ACER3: variants seen among roughly 807,000 people sequenced by gnomAD.
ACER3 encodes the protein alkaline ceramidase 3, also known as alkCDase 3.
In ACER3, 16 loss-of-function variants were observed where a neutral mutation model predicts 48.9. The ratio of observed to expected loss-of-function variants is 0.33; its 90% confidence interval spans 0.22 to 0.50. The LOEUF is 0.50. Among genes scored for constraint, ACER3 ranks in the 20% least tolerant of loss-of-function variants. The pLI, the probability that ACER3 is intolerant of heterozygous loss-of-function variation, is 0.98. For synonymous variants in ACER3, 109 were observed against 107.8 expected (o/e 1.01, Z -0.07); for missense variants, 227 against 326.0 (o/e 0.70, Z 2.34).
chr11:77,005,801 A>G lies in ACER3; in HGVS notation c.497+6980A>G, dbSNP rs1949123130. Among the ~76,000 whole-genome samples the G allele has an allele frequency of 2.6e-5, 4 of 151,408 alleles. No individual in the cohort carries two copies. In the South Asian group the frequency reaches 8.3e-4, roughly 32 times the overall value. On this transcript the variant is annotated intron_variant, in intron 7 of 10. Transcript: ENST00000532485. ...ATATAAACCCATCTTAAATAATTAT[A>G]TCTGCAAGGACTTTATTTCCAAATT...
intron 6 of ACER3, among the ~76,000 whole-genome samples, chr11:76,993,744 G>A (rs963639267): frequency 7.2e-5 from 11 of 152,172 alleles, no homozygotes; most frequent in African/African-American, 2.4e-4. Flanking sequence ...CATATCATCA[G>A]GCATTAGATT....
chr11:77,019,651 TGG>T, intron 9 of ACER3, 78 bp from the exon 10 acceptor site: 1 of 1,361,198 alleles, frequency 7.3e-7, no homozygotes, highest in Non-Finnish European at 1.1e-6. Context: ...AGAAGCACTA[TGG>T]TTACGTTTGT....
intron 7 of ACER3, among the ~76,000 whole-genome samples, chr11:77,006,412 A>G (rs1382230615): frequency 6.6e-6 from 1 of 152,136 alleles, no homozygotes; most frequent in Non-Finnish European, 1.5e-5. Context: ...TCCCACATTT[A>G]TACTCATTTC....
chr11:77,009,104 C>T (rs1362267815), intron 7 of ACER3, among the ~76,000 whole-genome samples: 1 of 152,106 alleles, frequency 6.6e-6, no homozygotes, highest in South Asian at 2.1e-4. Flanking sequence ...CATCATTGCA[C>T]TGCTATAAAG....
chr11:76,900,409 T>C (rs944199294), intron 1 of ACER3, among the ~76,000 whole-genome samples: 5 of 152,216 alleles, frequency 3.3e-5, no homozygotes, highest in African/African-American at 1.2e-4. Flanking sequence ...TGCTTTTTCA[T>C]TTCTCTAAAA....
At chr11:76,957,348 A>G (rs1947866908) in intron 2 of ACER3, 1 of 295,210 alleles carries the variant, frequency 3.4e-6, no homozygotes, top group Admixed American at 4.3e-5. Context: ...TGAAGCATAG[A>G]ATTTTTTAAA....
At chr11:76,880,634 A>G (rs148137526) in intron 1 of ACER3, among the ~76,000 whole-genome samples, 3 of 152,330 alleles carry the variant, frequency 2.0e-5, no homozygotes, top group East Asian at 3.9e-4. Flanking sequence ...CCTCCAGGGC[A>G]TGGGATGGGG....
At chr11:76,922,504 G>T (rs1275946707) in intron 1 of ACER3, among the ~76,000 whole-genome samples, 1 of 151,926 alleles carries the variant, frequency 6.6e-6, no homozygotes, top group African/African-American at 2.4e-5. Context: ...AATCTGTCTG[G>T]CTCCCCACCT....
chr11:76,914,302 G>A (rs1946464872), intron 1 of ACER3, among the ~76,000 whole-genome samples: 1 of 152,086 alleles, frequency 6.6e-6, no homozygotes, highest in Non-Finnish European at 1.5e-5. Context: ...CTACTCATCT[G>A]ATAAAGGGCT....
rs148055722 is a variant in ACER3 at position 76,998,634 on chromosome 11, A to G, written c.439-129A>G. ...GATTTAACACATTTTTTAACATTCT[A>G]TTCTTTAAAATGTAGTGAAGGATAA... is the stretch of plus-strand genomic sequence containing the variant. On this transcript the variant is annotated intron_variant, in intron 6 of 10. Transcript: ENST00000532485. 1.7e-3 allele frequency: 1,090 copies of G among 629,286 alleles called. 17 individuals are homozygous for G. In the East Asian group the frequency reaches 0.036, roughly 21 times the overall value. The allele number at this position is 629,286 out of a possible 1,614,324, so 39.0% of individuals were successfully genotyped here.
chr11:76,888,529 C>G (rs1945729843), intron 1 of ACER3, among the ~76,000 whole-genome samples: 1 of 152,196 alleles, frequency 6.6e-6, no homozygotes, highest in Admixed American at 6.5e-5. Flanking sequence ...TGGGTCTCAT[C>G]TGAAGCTGAA....
chr11:76,971,284 G>A (rs1948292529), intron 3 of ACER3, among the ~76,000 whole-genome samples: 1 of 152,200 alleles, frequency 6.6e-6, no homozygotes, highest in South Asian at 2.1e-4. Context: ...GTTCACGCCT[G>A]TAATCGCAGC....
intron 3 of ACER3, among the ~76,000 whole-genome samples, chr11:76,974,151 TGTGA>T (rs561881248): frequency 1.3e-4 from 20 of 152,278 alleles, no homozygotes; most frequent in African/African-American, 4.3e-4. Context: ...AATTGGAGAG[TGTGA>T]GTATTCCAAG....
rs548422300 is a variant in ACER3, at chr11:76,974,575, T to C, written c.268-1714T>C. ...ATCCTTAGGGTGAAGAAGTGGCATA[T>C]ACAGTGAAACCTGAAAAATATCCAG... On this transcript the variant is annotated intron_variant, in intron 3 of 10. Transcript: ENST00000532485. Among the ~76,000 whole-genome samples the C allele has an allele frequency of 2.0e-3, 312 of 152,254 alleles. 3 individuals carry two copies. The highest frequency in any genetic ancestry group is 5.4e-4 in the Non-Finnish European group (37 of 68,026).
intron 2 of ACER3, among the ~76,000 whole-genome samples, chr11:76,931,457 C>T (rs1264308844): frequency 6.6e-6 from 1 of 151,766 alleles, no homozygotes; most frequent in Non-Finnish European, 1.5e-5. Flanking sequence ...AGCATTTAGC[C>T]CATTTACGTT....
At chr11:76,933,293 AT>A (rs986488565) in intron 2 of ACER3, among the ~76,000 whole-genome samples, 5 of 95,092 alleles carry the variant, frequency 5.3e-5, no homozygotes, top group East Asian at 3.0e-4. Context: ...TTATTTTTTT[AT>A]TTTTTTTATT....
At chr11:76,940,189 G>T (rs1056450759) in intron 2 of ACER3, among the ~76,000 whole-genome samples, 1 of 151,508 alleles carries the variant, frequency 6.6e-6, no homozygotes, top group African/African-American at 2.4e-5. Flanking sequence ...CACTATGTTG[G>T]CCTGGGTTGG....
chr11:76,953,036 G>A (rs1055712656), intron 2 of ACER3, among the ~76,000 whole-genome samples: 1 of 152,150 alleles, frequency 6.6e-6, no homozygotes, highest in African/African-American at 2.4e-5. Flanking sequence ...AACGGAAAGA[G>A]TAAGTATTCC....
At chr11:76,964,965 AC>A (rs1304764992) in intron 3 of ACER3, among the ~76,000 whole-genome samples, 8 of 151,418 alleles carry the variant, frequency 5.3e-5, no homozygotes, top group Non-Finnish European at 1.0e-4. Context: ...ACGGAGAATG[AC>A]TTTGACAAGT....
Sources: gnomAD v4.1 joint callset for allele counts (sites outside exome capture counted in the v4.1 genomes callset) on GRCh38, gnomAD v4.1.1 for gene constraint, MANE v1.5 for transcripts, NCBI Gene and HGNC (gene_info 2026-07-23, HGNC 2026-07-21) for gene names.